The following PSG2 variants were observed in gnomAD, a reference collection of about 807,000 sequenced individuals.
The protein encoded by PSG2 is pregnancy specific beta-1-glycoprotein 2, also known as pregnancy-specific beta-1-glycoprotein 2.
Under a neutral mutation model 36.2 loss-of-function variants are expected in PSG2, and 49 were observed. The ratio of observed to expected loss-of-function variants is 1.35; its 90% CI spans 1.08 to 1.72. The LOEUF (loss-of-function observed/expected upper bound fraction) is 1.72, where lower values mean the gene tolerates loss of function less well. PSG2 is among the 40% of genes most tolerant of loss of function. The pLI is 0.00. For synonymous variants in PSG2, 261 were observed against 155.6 expected, an observed-to-expected ratio of 1.68 and a Z score of -5.04; for missense variants, 605 against 407.2, an observed-to-expected ratio of 1.49 and a Z score of -4.18.
chr19:43,081,296 T>C, intron 1 of PSG2, 50 bp from the exon 2 acceptor site: 2 of 1,573,754 alleles, frequency 1.3e-6, no homozygotes, highest in African/African-American at 2.8e-5. Context: ...TGTATTGGGG[T>C]GAAAAGATGG....
chr19:43,069,023 A>G (rs977495132), intron 4 of PSG2, among the ~76,000 whole-genome samples: 3 of 151,812 alleles, frequency 2.0e-5, no homozygotes, highest in Admixed American at 1.3e-4. Context: ...GTTGCACAAT[A>G]GAAAATCAGC....
At chr19:43,076,279 C>G (rs1283261422) in intron 2 of PSG2, among the ~76,000 whole-genome samples, 1 of 151,588 alleles carries the variant, frequency 6.6e-6, no homozygotes, top group Non-Finnish European at 1.5e-5. Flanking sequence ...AAAGATAGAG[C>G]AGAGTCCAAG....
At chr19:43,070,817 TG>T (rs1328545674) in intron 4 of PSG2, among the ~76,000 whole-genome samples, 1 of 151,688 alleles carries the variant, frequency 6.6e-6, no homozygotes, top group Admixed American at 6.6e-5. Flanking sequence ...AAATAGCTAA[TG>T]GTAAGCCTTA....
intron 4 of PSG2, among the ~76,000 whole-genome samples, chr19:43,066,996 A>C (rs1037765420): frequency 1.3e-5 from 2 of 151,422 alleles, no homozygotes; most frequent in African/African-American, 4.9e-5. Flanking sequence ...CCTGATTGGC[A>C]GAAGGCCCAG....
At chr19:43,079,194 G>A (rs1317979635) in intron 2 of PSG2, among the ~76,000 whole-genome samples, 2 of 151,548 alleles carry the variant, frequency 1.3e-5, no homozygotes, top group Non-Finnish European at 2.9e-5. Context: ...AGCAGAGAGA[G>A]GCAGAGACAC....
intron 2 of PSG2, among the ~76,000 whole-genome samples, chr19:43,077,007 A>G (rs996181611): frequency 1.3e-5 from 2 of 151,536 alleles, no homozygotes; most frequent in African/African-American, 4.9e-5. Flanking sequence ...AATTCGTAAT[A>G]CTGTAATTTT....
chr19:43,072,684 A>T, intron 3 of PSG2: 1 of 1,595,972 alleles, frequency 6.3e-7, no homozygotes. Flanking sequence ...ATTCCTCCAC[A>T]GGCATCCTTC....
intron 5 of PSG2, 149 bp downstream of exon 5, chr19:43,066,368 G>A (rs1464621353): frequency 1.5e-6 from 1 of 651,334 alleles, no homozygotes; most frequent in Non-Finnish European, 2.8e-6. Flanking sequence ...CAGGGAGAAA[G>A]GGAACTGCAG....
intron 2 of PSG2, among the ~76,000 whole-genome samples, chr19:43,077,280 A>G (rs995740769): frequency 6.6e-6 from 1 of 151,694 alleles, no homozygotes; most frequent in African/African-American, 2.4e-5. Flanking sequence ...AAGTAGAGAG[A>G]GTCCCGTTAA....
At position 43,072,044 on chromosome 19, in the gene PSG2, A is replaced by C. The variant is rs1252689194; in HGVS notation, c.710-90T>G. On this transcript the variant is annotated intron_variant, in intron 3 of 5. Transcript: ENST00000406487. ...TAAAGGGACACAGTGACCCTCTGAG[A>C]CAAGACACATCCTCAAGTCCCAGCA... 2.1e-5 allele frequency: 32 copies of C among 1,514,880 alleles called. 1 individual carries two copies. The highest frequency in any genetic ancestry group is 2.7e-5 in the Non-Finnish European group (30 of 1,115,224). The allele number at this position is 1,514,880 out of a possible 1,614,324, so 93.8% of individuals were successfully genotyped here.
At position 43,077,700 on chromosome 19, in the gene PSG2, G is replaced by A. The variant is rs548518086; in HGVS notation, c.431-2068C>T. Among the ~76,000 whole-genome samples, 93 of 151,832 alleles carry A rather than the reference G, an allele frequency of 6.1e-4. 4 individuals carry two copies. The highest frequency in any genetic ancestry group is 2.0e-3 in the African/African-American group (82 of 41,228). The stretch of plus-strand genomic sequence containing the variant: ...CCACCAGTATTCCTATTACGTGTAC[G>A]TTACAGCATTTGTATTTGTCCCACA... On this transcript the variant is annotated intron_variant, in intron 2 of 5. Coordinates refer to ENST00000406487, the MANE Select transcript of PSG2 (RefSeq NM_031246.4).
intron 5 of PSG2, among the ~76,000 whole-genome samples, chr19:43,066,195 C>A (rs186779703): frequency 4.0e-5 from 6 of 151,696 alleles, no homozygotes; most frequent in Non-Finnish European, 1.5e-5. Context: ...AGTGGTTGAG[C>A]TTTATGGGAA....
chr19:43,068,825 T>G (rs1340005020), intron 4 of PSG2, among the ~76,000 whole-genome samples: 1 of 151,806 alleles, frequency 6.6e-6, no homozygotes, highest in East Asian at 1.9e-4. Flanking sequence ...GGATGCCCAC[T>G]TTTGACACTT....
In PSG2 at chr19:43,066,744, T is replaced by C. The variant is rs1025444606; in HGVS notation, c.965-144A>G. 27 of 1,350,748 alleles carry C rather than the reference T, an allele frequency of 2.0e-5. No individual in the cohort carries two copies. In the African/African-American group the frequency reaches 3.7e-4, roughly 19 times the overall value. 83.7% of individuals were successfully genotyped at this position (1,350,748 alleles called of 1,614,324 possible). A position where few individuals can be genotyped will look rare whatever the true frequency, so the allele number is the denominator to read the frequency against. On this transcript the variant is annotated intron_variant, in intron 4 of 5. Coordinates refer to ENST00000406487, the MANE Select transcript of PSG2 (RefSeq NM_031246.4). ...TTTCTCTTGGAATATTGATGGGAGA[T>C]GATTATATTCTTGCAGTTTTTTTTC...
At position 43,074,566 on chromosome 19, in the gene PSG2, T is replaced by C. The variant is rs183756696; in HGVS notation, c.709+788A>G. Among the ~76,000 whole-genome samples the C allele has an allele frequency of 2.6e-5, 4 of 151,788 alleles. No homozygotes were observed. The East Asian group carries it at 7.7e-4, about 29-fold the overall frequency. On this transcript the variant is annotated intron_variant, in intron 3 of 5. Coordinates refer to ENST00000406487, the MANE Select transcript of PSG2 (RefSeq NM_031246.4). The stretch of plus-strand genomic sequence containing the variant: ...AGGGGACAGGCAAAAGCTGGTGGTT[T>C]TGGAGCAGAAACATATTCCCTGTCC...
rs200319734 is a variant in PSG2, at chr19:43,071,867, T to C, written c.797A>G (p.Asn266Ser). 6.2e-7 allele frequency: 1 copy of C among 1,613,002 alleles called. No homozygotes were observed. The highest frequency in any genetic ancestry group is 8.5e-7 in the Non-Finnish European group (1 of 1,179,588). The change falls in exon 4 of 6, where the codon AAC becomes AGC. Residue 266 changes from asparagine (N) to serine (S), a missense_variant. Coordinates refer to ENST00000406487, the MANE Select transcript of PSG2 (RefSeq NM_031246.4). ...TGTCCAAGAATACTGTGCCGGTGGG[T>C]TAGAGTTCGCGAAGCAAGACAAGTA... The part of the protein sequence containing the change: ...NLYLSCFANS[N>S]PPAQYSWTIN...
chr19:43,075,524 C>T lies in PSG2; in HGVS notation c.539G>A (p.Trp180Ter), dbSNP rs767946242. 64 of 1,613,158 alleles carry T rather than the reference C, an allele frequency of 4.0e-5. 1 individual carries two copies. Among genetic ancestry groups the T allele is most frequent in the Admixed American group, 1.2e-4 (7 of 59,944 alleles). ...DPETPDTSYQ[W>*]WMNGQSLPMT... ...AGGGAGGCTCTGACCATTCATCCAC[C>T]ACTGGTAGCTTGTGTCCGGAGTCTC... is the stretch of plus-strand genomic sequence containing the variant. Residue 180 changes from tryptophan to a stop codon, truncating the protein, a stop_gained, in exon 3 of 6, where the codon TGG becomes TAG. Transcript: ENST00000406487. LOFTEE classifies it high-confidence loss of function.
chr19:43,075,729 C>T (rs1375562197), intron 2 of PSG2, 97 bp from the exon 3 acceptor site: 12 of 1,528,410 alleles, frequency 7.9e-6, no homozygotes, highest in Non-Finnish European at 8.8e-6. Context: ...CCTCTCAGCC[C>T]ACCCAAGTCC....
intron 2 of PSG2, among the ~76,000 whole-genome samples, chr19:43,076,493 T>G (rs1967897915): frequency 6.6e-6 from 1 of 151,800 alleles, no homozygotes; most frequent in Non-Finnish European, 1.5e-5. Context: ...ATGATGGAAG[T>G]CTGGCCCTCA....
Sources: allele counts gnomAD v4.1 joint callset (sites outside exome capture counted in the v4.1 genomes callset), GRCh38; gene constraint gnomAD v4.1.1; transcripts MANE v1.5; gene names NCBI Gene and HGNC (gene_info 2026-07-23, HGNC 2026-07-21).